NAA10: variants seen among roughly 807,000 people sequenced by gnomAD.
NAA10 encodes N-alpha-acetyltransferase 10, NatA catalytic subunit, also known as N-alpha-acetyltransferase 10.
In NAA10, 6 loss-of-function variants were observed where a neutral mutation model predicts 19.2. That is an observed-to-expected ratio of 0.31 (90% CI 0.17 to 0.62). The LOEUF (loss-of-function observed/expected upper bound fraction) is 0.62, where lower values mean the gene tolerates loss of function less well. NAA10 is among the 20% of genes least tolerant of loss of function. The pLI, the probability that NAA10 is intolerant of heterozygous loss-of-function variation, is 0.83. For missense variants in NAA10, 101 were observed against 198.4 expected (o/e 0.51, Z 2.95); for synonymous variants, 97 against 79.9 (o/e 1.21, Z -1.14).
At chrX:153,930,971 GACA>G (rs1333898066) in intron 6 of NAA10, 124 bp from the exon 7 acceptor site, 32 of 1,198,045 alleles carry the variant, frequency 2.7e-5, no homozygotes, top group Admixed American at 4.4e-5. Context: ...TCCATCCTGA[GACA>G]ACAAGTCCAG....
At position 153,930,751 on chromosome X, in the gene NAA10, G is replaced by A. The variant is rs782025727; in HGVS notation, c.471+12C>T. ...CCCCGCTCGCCTTGCTTGGCTTCAT[G>A]CAGGCGCTTACCTCGTCGGCCATCT... On this transcript the variant is annotated intron_variant, in intron 7 of 7. Transcript: ENST00000464845. 1.6e-5 allele frequency: 19 copies of A among 1,210,347 alleles called. No individual in the cohort carries two copies. The South Asian group carries it at 3.2e-4, about 20-fold the overall frequency.
Position 153,934,473 on chromosome X carries a change from T to A in NAA10, c.24A>T (p.Pro8=). 8.4e-7 allele frequency: 1 copy of A among 1,193,963 alleles called. No homozygotes were observed. Among genetic ancestry groups the A allele is most frequent in the African/African-American group, 1.7e-5 (1 of 57,616 alleles). The change falls in exon 2 of 8, where the codon CCA becomes CCT. Residue 8 remains proline (P), a splice_region_variant and synonymous_variant. Coordinates refer to ENST00000464845, the MANE Select transcript of NAA10 (RefSeq NM_003491.4). ...AGTGCTGCATGTTCATTAGGTCCTCTGGCTGCAGGGAAGGAGGGCAGTGGA... is the reference window on the plus strand; with the variant it reads ...AGTGCTGCATGTTCATTAGGTCCTCAGGCTGCAGGGAAGGAGGGCAGTGGA... MNIRNAR[P]EDLMNMQHCN...
Position 153,929,909 on chromosome X carries a change from T to A in NAA10, c.*78A>T, listed in dbSNP as rs1569546247. On this transcript the variant is annotated 3_prime_UTR_variant, in exon 8 of 8. Coordinates refer to ENST00000464845, the MANE Select transcript of NAA10 (RefSeq NM_003491.4). Reference sequence around the variant, plus strand: ...ACACACCCTCTAAATGTGCGCGCGCTCACACACAAAGTTCCCCAGTGCCAC... The same window carrying A: ...ACACACCCTCTAAATGTGCGCGCGCACACACACAAAGTTCCCCAGTGCCAC... 4.7e-6 allele frequency: 4 copies of A among 851,007 alleles called. No homozygotes were observed. The East Asian group carries it at 1.2e-4, about 27-fold the overall frequency. 70.1% of individuals were successfully genotyped at this position (851,007 alleles called of 1,213,427 possible).
rs2065189513 is a variant in NAA10 at position 153,934,978 on chromosome X, C to G, written c.-74G>C. Reference sequence around the variant, plus strand: ...GCTGCCGCCGCGCTCCGAAGCGACGCCGGGACGGCCGGGGCTGGGACCGGA... The same window carrying G: ...GCTGCCGCCGCGCTCCGAAGCGACGGCGGGACGGCCGGGGCTGGGACCGGA... On this transcript the variant is annotated 5_prime_UTR_variant, in exon 1 of 8. Coordinates refer to ENST00000464845, the MANE Select transcript of NAA10 (RefSeq NM_003491.4). The G allele has an allele frequency of 1.1e-6, 1 of 895,223 alleles. No individual in the cohort carries two copies. The highest frequency in any genetic ancestry group is 4.0e-5 in the South Asian group (1 of 25,081). The allele number at this position is 895,223 out of a possible 1,213,427, so 73.8% of individuals were successfully genotyped here.
chrX:153,931,908 G>A (rs1245301556), intron 6 of NAA10, 163 bp downstream of exon 6: 6 of 1,156,602 alleles, frequency 5.2e-6, no homozygotes, highest in Admixed American at 5.0e-5. Context: ...ACCATCAGCC[G>A]CCGAGTGAAT....
chrX:153,930,523 C>T, intron 7 of NAA10: 1 of 456,400 alleles, frequency 2.2e-6, no homozygotes, highest in Non-Finnish European at 3.8e-6. Flanking sequence ...AGGCCACCCA[C>T]TGGTCCCTAG....
chrX:153,934,763 C>T, intron 1 of NAA10, 121 bp downstream of exon 1: 4 of 828,717 alleles, frequency 4.8e-6, no homozygotes, highest in Admixed American at 8.3e-5. Flanking sequence ...ATAGGTCCAG[C>T]GGCCGCAGGC....
rs1557107940 is a variant in NAA10, at chrX:153,934,380, G to A, written c.117C>T (p.Pro39=). 8 of 1,199,805 alleles carry A rather than the reference G, an allele frequency of 6.7e-6. No individual in the cohort carries two copies. In the South Asian group the frequency reaches 1.4e-4, roughly 22 times the overall value. The change falls in exon 2 of 8, where the codon CCC becomes CCT. Residue 39 remains proline (P), a synonymous_variant. Transcript: ENST00000464845. ...CCCAAATTCAGAAGCTGCCCACCTGGGGCCAGGAAAGGCCATGGTAGAAGT... is the reference window on the plus strand; with the variant it reads ...CCCAAATTCAGAAGCTGCCCACCTGAGGCCAGGAAAGGCCATGGTAGAAGT... ...KYYFYHGLSW[P]QLSYIAEDEN... is the part of the protein sequence containing the mutation.
intron 1 of NAA10, 65 bp from the exon 2 acceptor site, chrX:153,934,540 C>G: frequency 1.1e-6 from 1 of 909,571 alleles, no homozygotes; most frequent in Non-Finnish European, 1.6e-6. Flanking sequence ...GGTGAGAAGC[C>G]TGCTCCCCGT....
chrX:153,932,618 C>T, intron 3 of NAA10, 34 bp from the exon 4 acceptor site: 1 of 1,172,560 alleles, frequency 8.5e-7, no homozygotes, highest in Non-Finnish European at 1.2e-6. Context: ...TGCAAAGGAG[C>T]TCAGTGTAGG....
At chrX:153,931,625 T>A (rs2065167052) in intron 6 of NAA10, 2 of 844,693 alleles carry the variant, frequency 2.4e-6, no homozygotes, top group Non-Finnish European at 2.9e-6. Context: ...ACCTCCCCCA[T>A]CCACTAGGCT....
chrX:153,930,167 G>C lies in NAA10; in HGVS notation c.528C>G (p.Ile176Met), dbSNP rs200364592. 1 of 1,209,321 alleles carries C rather than the reference G, an allele frequency of 8.3e-7. No individual in the cohort carries two copies. The highest frequency in any genetic ancestry group is 2.2e-5 in the Admixed American group (1 of 45,748). Residue 176 changes from isoleucine (I) to methionine (M), a missense_variant, in exon 8 of 8, where the codon ATC (isoleucine) becomes ATG (methionine). Physicochemically the swap from Ile to Met is conservative, Grantham distance 10. Transcript: ENST00000464845. ...EKGRHVVLGA[I>M]ENKVESKGNS... The stretch of plus-strand genomic sequence containing the variant: ...TGCCTTTGCTCTCCACCTTGTTCTC[G>C]ATGGCACCCAGCACCACGTGCCTGC...
Position 153,929,963 on chromosome X carries a change from G to C in NAA10, c.*24C>G. The C allele has an allele frequency of 8.6e-7, 1 of 1,157,366 alleles. No individual in the cohort carries two copies. Among genetic ancestry groups the C allele is most frequent in the Non-Finnish European group, 1.2e-6 (1 of 846,560 alleles). ...GCGAATTTATTGTGAAAGCTCGTGG[G>C]GTGAGGAGGGGATGGGGCAGGCTCT... On this transcript the variant is annotated 3_prime_UTR_variant, in exon 8 of 8. Transcript: ENST00000464845.
intron 6 of NAA10, chrX:153,931,834 T>A (rs2065168156): frequency 5.5e-6 from 6 of 1,095,083 alleles, no homozygotes; most frequent in Non-Finnish European, 7.2e-6. Flanking sequence ...GGGCCAGAGC[T>A]CCTCCATCAC....
In NAA10 at chrX:153,934,983, A is replaced by C. The variant is rs1191601583; in HGVS notation, c.-79T>G. The C allele has an allele frequency of 7.8e-6, 7 of 895,627 alleles. No homozygotes were observed. In the African/African-American group the frequency reaches 1.3e-4, roughly 16 times the overall value. 73.8% of individuals were successfully genotyped at this position (895,627 alleles called of 1,213,427 possible). Reference sequence around the variant, plus strand: ...CGCCGCGCTCCGAAGCGACGCCGGGACGGCCGGGGCTGGGACCGGAGCTGG... The same window carrying C: ...CGCCGCGCTCCGAAGCGACGCCGGGCCGGCCGGGGCTGGGACCGGAGCTGG... On this transcript the variant is annotated 5_prime_UTR_variant, in exon 1 of 8. Transcript: ENST00000464845.
At chrX:153,930,304 C>T in intron 7 of NAA10, 81 bp from the exon 8 acceptor site, 1 of 936,161 alleles carries the variant, frequency 1.1e-6, no homozygotes, top group African/African-American at 1.9e-5. Context: ...GGCCCTGTCG[C>T]TGGCTGAGGA....
At chrX:153,934,728 C>T in intron 1 of NAA10, 156 bp downstream of exon 1, 1 of 689,271 alleles carries the variant, frequency 1.5e-6, no homozygotes, top group Non-Finnish European at 2.1e-6. Flanking sequence ...GCGCCCCGGC[C>T]TCTTCGGCGG....
In NAA10 at chrX:153,933,832, T is replaced by C. The variant is rs141345733; in HGVS notation, c.179+111A>G. ...CTCCATGTCCTTTCTGTTCAATTTTTCTATAAACTTTCAACTGTACTGAAA... is the reference window on the plus strand; with the variant it reads ...CTCCATGTCCTTTCTGTTCAATTTTCCTATAAACTTTCAACTGTACTGAAA... On this transcript the variant is annotated intron_variant, in intron 3 of 7. Coordinates refer to ENST00000464845, the MANE Select transcript of NAA10 (RefSeq NM_003491.4). 5,178 of 685,494 alleles carry C rather than the reference T, an allele frequency of 7.6e-3. 183 individuals carry two copies. In the African/African-American group the frequency reaches 0.1, roughly 13 times the overall value. The allele number at this position is 685,494 out of a possible 1,213,427, so 56.5% of individuals were successfully genotyped here. A position where few individuals can be genotyped will look rare whatever the true frequency, so the allele number is the denominator to read the frequency against.
In NAA10 at chrX:153,934,476, C is replaced by T. The variant is rs2065185363; in HGVS notation, c.22-1G>A. On this transcript the variant is annotated splice_acceptor_variant, in intron 1 of 7. Coordinates refer to ENST00000464845, the MANE Select transcript of NAA10 (RefSeq NM_003491.4). LOFTEE classifies it high-confidence loss of function. Reference sequence around the variant, plus strand: ...GCTGCATGTTCATTAGGTCCTCTGGCTGCAGGGAAGGAGGGCAGTGGAACG... The same window carrying T: ...GCTGCATGTTCATTAGGTCCTCTGGTTGCAGGGAAGGAGGGCAGTGGAACG... The T allele has an allele frequency of 8.4e-7, 1 of 1,190,373 alleles. No individual in the cohort carries two copies. Among genetic ancestry groups the T allele is most frequent in the African/African-American group, 1.8e-5 (1 of 57,073 alleles).
Sources: gnomAD v4.1 joint callset for allele counts on GRCh38, gnomAD v4.1.1 for gene constraint, MANE v1.5 for transcripts, NCBI Gene and HGNC (gene_info 2026-07-23, HGNC 2026-07-21) for gene names.